ANO4: variants seen among roughly 807,000 people sequenced by gnomAD.
The protein encoded by ANO4 is anoctamin-4.
In ANO4, 69 loss-of-function variants were observed where a neutral mutation model predicts 141.9. The observed-to-expected ratio is 0.49, with a 90% CI of 0.40 to 0.59. The LOEUF (loss-of-function observed/expected upper bound fraction) is 0.59, where lower values mean the gene tolerates loss of function less well. Among genes scored for constraint, ANO4 ranks in the 20% least tolerant of loss-of-function variants. The probability of loss-of-function intolerance (pLI) is 0.00; values close to 1 mark genes in which losing one functional copy is unlikely to be tolerated. For synonymous variants in ANO4, 350 were observed against 394.3 expected, an observed-to-expected ratio of 0.89 and a Z score of 1.33; for missense variants, 894 against 1,162.2, an observed-to-expected ratio of 0.77 and a Z score of 3.36.
intron 3 of ANO4, among the ~76,000 whole-genome samples, chr12:100,745,348 G>A (rs2032055619): frequency 6.6e-6 from 1 of 152,148 alleles, no homozygotes; most frequent in East Asian, 1.9e-4. Flanking sequence ...TATTCTTTCT[G>A]TTTCCACTGG....
At chr12:101,119,439 G>C (rs1593317013) in intron 25 of ANO4, among the ~76,000 whole-genome samples, 1 of 152,100 alleles carries the variant, frequency 6.6e-6, no homozygotes, top group Admixed American at 6.6e-5. Flanking sequence ...GGGTGACAGA[G>C]CGAGATTCTG....
intron 2 of ANO4, among the ~76,000 whole-genome samples, chr12:100,738,399 A>T (rs2031701263): frequency 6.6e-6 from 1 of 152,210 alleles, no homozygotes; most frequent in African/African-American, 2.4e-5. Flanking sequence ...ATCTTGTCAT[A>T]GCTCGTTTAT....
intron 3 of ANO4, among the ~76,000 whole-genome samples, chr12:100,750,529 A>T (rs541917721): frequency 2.0e-5 from 3 of 152,268 alleles, no homozygotes; most frequent in African/African-American, 7.2e-5. Flanking sequence ...CACAGGTAAC[A>T]AAAAATATTA....
At chr12:101,122,180 A>AT (rs1173014051) in intron 26 of ANO4, among the ~76,000 whole-genome samples, 6 of 152,282 alleles carry the variant, frequency 3.9e-5, no homozygotes, top group Middle Eastern at 3.4e-3. Flanking sequence ...GTCTGCTTCT[A>AT]TATCTTCTTT....
chr12:100,741,460 T>TG (rs1359690741), intron 3 of ANO4, among the ~76,000 whole-genome samples: 3 of 152,204 alleles, frequency 2.0e-5, no homozygotes, highest in Admixed American at 6.5e-5. Flanking sequence ...GCTGTGTCCA[T>TG]GGCACAGGGT....
At chr12:100,900,097 C>CAGAA (rs3059250) in intron 1 of ANO4, among the ~76,000 whole-genome samples, 28,107 of 151,894 alleles carry the variant, frequency 0.19, 2,960 homozygotes, top group Non-Finnish European at 0.24. Flanking sequence ...AGTTCTCACT[C>CAGAA]AGAAAGAAAG....
intron 1 of ANO4, among the ~76,000 whole-genome samples, chr12:100,856,362 C>T (rs2038171181): frequency 6.6e-6 from 1 of 152,080 alleles, no homozygotes; most frequent in South Asian, 2.1e-4. Context: ...TCCAAGTTTA[C>T]ACTAGGAGTG....
At chr12:101,007,580 A>T (rs1217149740) in intron 8 of ANO4, among the ~76,000 whole-genome samples, 1 of 152,172 alleles carries the variant, frequency 6.6e-6, no homozygotes, top group African/African-American at 2.4e-5. Context: ...CAGAACCAAG[A>T]TTCTAACCCA....
chr12:100,886,923 C>A (rs771024610), intron 1 of ANO4, among the ~76,000 whole-genome samples: 1 of 152,208 alleles, frequency 6.6e-6, no homozygotes, highest in Admixed American at 6.5e-5. Flanking sequence ...CAACTTTTTT[C>A]CTGGCAAGAA....
intron 3 of ANO4, among the ~76,000 whole-genome samples, chr12:100,751,290 A>C (rs7315766): frequency 0.35 from 52,560 of 151,788 alleles, 9,392 homozygotes; most frequent in Admixed American, 0.44. Context: ...AGTGGGAGAG[A>C]ATGGTGGAAT....
At chr12:101,076,728 C>A (rs2049040152) in intron 14 of ANO4, among the ~76,000 whole-genome samples, 1 of 152,122 alleles carries the variant, frequency 6.6e-6, no homozygotes, top group Non-Finnish European at 1.5e-5. Context: ...CATGGAGGTA[C>A]CTTTGTGATT....
intron 17 of ANO4, among the ~76,000 whole-genome samples, chr12:101,088,565 G>A (rs960642050): frequency 6.6e-6 from 1 of 151,662 alleles, no homozygotes; most frequent in Non-Finnish European, 1.5e-5. Context: ...CTAGTGTCTG[G>A]AACAGGGCCT....
At position 101,109,621 on chromosome 12, in the gene ANO4, G is replaced by A. The variant is rs191790264; in HGVS notation, c.2150-783G>A. 8.3e-4 allele frequency among the ~76,000 whole-genome samples: 127 copies of A among 152,118 alleles called. 2 individuals are homozygous for A. In the East Asian group the frequency reaches 0.02, roughly 23 times the overall value. On this transcript the variant is annotated intron_variant, in intron 22 of 27. Coordinates refer to ENST00000392977, the MANE Select transcript of ANO4 (RefSeq NM_001286615.2). ...GTTTTCCAGGTTCCTCTGCTAAAAA[G>A]TTTCTGTTTTGTAATTAGTAAAAGT...
chr12:100,944,786 A>G (rs930355864), intron 5 of ANO4, among the ~76,000 whole-genome samples: 1 of 152,212 alleles, frequency 6.6e-6, no homozygotes, highest in Non-Finnish European at 1.5e-5. Flanking sequence ...TCCCTGCCAT[A>G]AATAATTAAA....
intron 1 of ANO4, among the ~76,000 whole-genome samples, chr12:100,841,053 G>C (rs566341152): frequency 2.0e-5 from 3 of 152,128 alleles, no homozygotes; most frequent in Admixed American, 6.5e-5. Flanking sequence ...TAGGAGGTGA[G>C]CAATGGGAAC....
At chr12:101,120,877 T>C (rs1383266070) in intron 26 of ANO4, among the ~76,000 whole-genome samples, 1 of 152,234 alleles carries the variant, frequency 6.6e-6, no homozygotes, top group Non-Finnish European at 1.5e-5. Flanking sequence ...TGTAATTTTC[T>C]GGGGCCATAG....
intron 5 of ANO4, among the ~76,000 whole-genome samples, chr12:100,942,753 A>G (rs1351544977): frequency 6.6e-6 from 1 of 152,194 alleles, no homozygotes; most frequent in Admixed American, 6.5e-5. Context: ...GAAAATCAAA[A>G]TATTCTATTC....
At chr12:100,799,509 C>T (rs975866041) in intron 1 of ANO4, among the ~76,000 whole-genome samples, 3 of 152,100 alleles carry the variant, frequency 2.0e-5, no homozygotes, top group East Asian at 3.9e-4. Flanking sequence ...TTTGGTAGGC[C>T]GAGGTGGGCA....
chr12:100,805,793 T>A (rs2034982308), intron 1 of ANO4, among the ~76,000 whole-genome samples: 1 of 152,202 alleles, frequency 6.6e-6, no homozygotes, highest in Non-Finnish European at 1.5e-5. Flanking sequence ...ACTTTTTTTT[T>A]ATTCAGTCTC....
Sources: gnomAD v4.1 joint callset for allele counts (sites outside exome capture counted in the v4.1 genomes callset) on GRCh38, gnomAD v4.1.1 for gene constraint, MANE v1.5 for transcripts, NCBI Gene and HGNC (gene_info 2026-07-23, HGNC 2026-07-21) for gene names.